Variants in GRIA4 observed in about 807,000 individuals in gnomAD.
GRIA4 encodes the protein glutamate receptor 4.
GRIA4 carries 34 observed loss-of-function variants against 104.0 expected under a neutral mutation model. The observed-to-expected ratio is 0.33, with a 90% confidence interval of 0.25 to 0.44. GRIA4 has a LOEUF of 0.44. GRIA4 is among the 20% of genes least tolerant of loss of function. The pLI is 1.00. For synonymous variants in GRIA4, 386 were observed against 381.9 expected (o/e 1.01, Z -0.13); for missense variants, 750 against 1,096.5 (o/e 0.68, Z 4.46).
At chr11:105,612,210 G>A (rs1591436979) in intron 2 of GRIA4, 66 bp from the exon 3 acceptor site, 1 of 1,444,570 alleles carries the variant, frequency 6.9e-7, no homozygotes, top group East Asian at 2.3e-5. Flanking sequence ...ATTTGACTGT[G>A]CTTGGGGTGG....
chr11:105,894,666 G>A (rs1946579348), intron 6 of GRIA4, among the ~76,000 whole-genome samples: 1 of 152,082 alleles, frequency 6.6e-6, no homozygotes, highest in East Asian at 1.9e-4. Context: ...GAGGAGGGAG[G>A]GAAGAGGGAA....
At chr11:105,739,677 C>T (rs556257581) in intron 3 of GRIA4, among the ~76,000 whole-genome samples, 13 of 152,042 alleles carry the variant, frequency 8.6e-5, no homozygotes, top group Non-Finnish European at 1.6e-4. Flanking sequence ...GCCTATCCAC[C>T]ATCTGATTGA....
At position 105,905,191 on chromosome 11, in the gene GRIA4, A is replaced by C; in HGVS notation, c.1054-6A>C. 6.5e-7 allele frequency: 1 copy of C among 1,545,764 alleles called. No individual in the cohort carries two copies. Among genetic ancestry groups the C allele is most frequent in the South Asian group, 1.1e-5 (1 of 89,662 alleles). ...GTGAACACGTGTGGTTTTCTTTTTC[A>C]CTTAGGTTCGAATTCAAGGGCTGAC... On this transcript the variant is annotated splice_polypyrimidine_tract_variant and splice_region_variant and intron_variant, in intron 8 of 16. Coordinates refer to ENST00000282499, the MANE Select transcript of GRIA4 (RefSeq NM_000829.4).
chr11:105,615,337 C>G (rs1305554479), intron 3 of GRIA4, among the ~76,000 whole-genome samples: 1 of 151,752 alleles, frequency 6.6e-6, no homozygotes, highest in Non-Finnish European at 1.5e-5. Context: ...AAGTCTAAAC[C>G]TGATTAACTT....
intron 7 of GRIA4, among the ~76,000 whole-genome samples, chr11:105,901,469 A>G (rs1946851641): frequency 1.3e-5 from 2 of 152,206 alleles, no homozygotes; most frequent in South Asian, 2.1e-4. Context: ...GGCACTATTT[A>G]CCCTGCCTAA....
At chr11:105,970,958 C>T (rs1858657883) in intron 14 of GRIA4, among the ~76,000 whole-genome samples, 1 of 152,052 alleles carries the variant, frequency 6.6e-6, no homozygotes, top group Admixed American at 6.6e-5. Flanking sequence ...CCTGAAACTC[C>T]TAATATAATA....
intron 3 of GRIA4, among the ~76,000 whole-genome samples, chr11:105,622,624 C>G (rs959788243): frequency 1.3e-5 from 2 of 151,780 alleles, no homozygotes; most frequent in African/African-American, 4.8e-5. Flanking sequence ...CAAAGTACAT[C>G]ACATTTTCAC....
chr11:105,650,663 TC>T (rs1297377344), intron 3 of GRIA4, among the ~76,000 whole-genome samples: 1 of 152,146 alleles, frequency 6.6e-6, no homozygotes, highest in Non-Finnish European at 1.5e-5. Flanking sequence ...AAATATGAAT[TC>T]CTGCCCTTGA....
At chr11:105,622,615 A>G (rs774597817) in intron 3 of GRIA4, among the ~76,000 whole-genome samples, 1 of 151,576 alleles carries the variant, frequency 6.6e-6, no homozygotes, top group Non-Finnish European at 1.5e-5. Context: ...CTCTACCTCC[A>G]AAGTACATCA....
chr11:105,657,156 T>C (rs909876487), intron 3 of GRIA4, among the ~76,000 whole-genome samples: 1 of 151,966 alleles, frequency 6.6e-6, no homozygotes, highest in Non-Finnish European at 1.5e-5. Flanking sequence ...TAACCTTCAG[T>C]TCCAATAGTT....
intron 3 of GRIA4, chr11:105,613,046 T>G (rs1192187207): frequency 1.3e-5 from 2 of 152,280 alleles, no homozygotes; most frequent in Non-Finnish European, 2.9e-5. Flanking sequence ...GCATATATCC[T>G]GTGGATATAA....
intron 4 of GRIA4, among the ~76,000 whole-genome samples, chr11:105,779,892 A>T (rs183155126): frequency 2.0e-5 from 3 of 152,310 alleles, no homozygotes. Context: ...TTATTATGAA[A>T]AATCAGTCAT....
chr11:105,626,002 C>A (rs1211920092), intron 3 of GRIA4, among the ~76,000 whole-genome samples: 1 of 151,990 alleles, frequency 6.6e-6, no homozygotes, highest in African/African-American at 2.4e-5. Flanking sequence ...ATCCATATTG[C>A]TGATTAAAAT....
chr11:105,640,408 A>C (rs1951325941), intron 3 of GRIA4, among the ~76,000 whole-genome samples: 1 of 151,936 alleles, frequency 6.6e-6, no homozygotes. Flanking sequence ...CAAACAAAAC[A>C]ATTAAAATAA....
chr11:105,756,940 A>T (rs1940346015), intron 4 of GRIA4, among the ~76,000 whole-genome samples: 1 of 152,148 alleles, frequency 6.6e-6, no homozygotes, highest in Admixed American at 6.6e-5. Flanking sequence ...GTGTCTTTGG[A>T]GCATACATTA....
chr11:105,922,408 A>G (rs1248585220), intron 11 of GRIA4, among the ~76,000 whole-genome samples: 1 of 152,174 alleles, frequency 6.6e-6, no homozygotes, highest in African/African-American at 2.4e-5. Flanking sequence ...CATTAAAAAG[A>G]TTATTACTGT....
chr11:105,883,784 A>T (rs1946153715), intron 5 of GRIA4, among the ~76,000 whole-genome samples: 1 of 152,156 alleles, frequency 6.6e-6, no homozygotes, highest in Non-Finnish European at 1.5e-5. Context: ...TCCTTTGGGT[A>T]TATACCCCGT....
At chr11:105,629,216 A>C (rs1311771283) in intron 3 of GRIA4, among the ~76,000 whole-genome samples, 1 of 151,802 alleles carries the variant, frequency 6.6e-6, no homozygotes, top group Non-Finnish European at 1.5e-5. Context: ...CTGGGTGACA[A>C]AGTAAGACAC....
At chr11:105,776,669 A>C (rs1941464317) in intron 4 of GRIA4, among the ~76,000 whole-genome samples, 1 of 152,162 alleles carries the variant, frequency 6.6e-6, no homozygotes, top group African/African-American at 2.4e-5. Flanking sequence ...GTCTAGATAG[A>C]AGTTCCTTGA....
Sources: allele counts gnomAD v4.1 joint callset (sites outside exome capture counted in the v4.1 genomes callset), GRCh38; gene constraint gnomAD v4.1.1; transcripts MANE v1.5; gene names NCBI Gene and HGNC (gene_info 2026-07-23, HGNC 2026-07-21).